The following DPP6 variants were observed in gnomAD, a reference collection of about 807,000 sequenced individuals.
DPP6 encodes A-type potassium channel modulatory protein DPP6.
A neutral mutation model predicts 122.6 loss-of-function variants in DPP6; 69 were observed. The ratio of observed to expected loss-of-function variants is 0.56; its 90% CI spans 0.46 to 0.69. The LOEUF (loss-of-function observed/expected upper bound fraction) is 0.69, where lower values mean the gene tolerates loss of function less well. Among genes scored for constraint, DPP6 ranks in the 30% least tolerant of loss-of-function variants. The pLI is 0.00. For synonymous variants in DPP6, 418 were observed against 433.1 expected, an observed-to-expected ratio of 0.97 and a Z score of 0.43; for missense variants, 928 against 1,116.9, an observed-to-expected ratio of 0.83 and a Z score of 2.41.
chr7:154,134,397 G>C (rs1795437999), intron 1 of DPP6, among the ~76,000 whole-genome samples: 1 of 152,128 alleles, frequency 6.6e-6, no homozygotes, highest in African/African-American at 2.4e-5. Context: ...AGTTGGGAGA[G>C]CAGCAGCCTG....
chr7:153,763,038 A>G, the DPP6 span, among the ~76,000 whole-genome samples: 1 of 152,216 alleles, frequency 6.6e-6, no homozygotes, highest in Non-Finnish European at 1.5e-5. Context: ...TGAGCAGCCC[A>G]GGGATGACCA....
chr7:154,570,278 T>A (rs1831028868), intron 5 of DPP6, among the ~76,000 whole-genome samples: 1 of 151,978 alleles, frequency 6.6e-6, no homozygotes, highest in African/African-American at 2.4e-5. Context: ...AAGTTTAATT[T>A]TTAGAATATG....
At chr7:154,648,327 G>T (rs1314841161) in intron 6 of DPP6, among the ~76,000 whole-genome samples, 1 of 151,900 alleles carries the variant, frequency 6.6e-6, no homozygotes, top group Non-Finnish European at 1.5e-5. Context: ...GAAGCACTGG[G>T]GATGGATAGG....
At chr7:153,900,999 T>A (rs1293196679) in intron 1 of DPP6, among the ~76,000 whole-genome samples, 1 of 152,224 alleles carries the variant, frequency 6.6e-6, no homozygotes, top group Non-Finnish European at 1.5e-5. Context: ...TTTTCATACT[T>A]TTTAAAGTTT....
intron 7 of DPP6, among the ~76,000 whole-genome samples, chr7:154,678,218 G>T (rs562823549): frequency 5.3e-4 from 81 of 152,296 alleles, no homozygotes; most frequent in Non-Finnish European, 1.0e-3. Context: ...GGAAATAAAA[G>T]CTGGCCACCG....
chr7:154,318,880 C>G (rs550919351), intron 1 of DPP6, among the ~76,000 whole-genome samples: 178 of 152,282 alleles, frequency 1.2e-3, no homozygotes, highest in African/African-American at 4.2e-3. Context: ...GAGGGCCATG[C>G]TGTCTGGTAG....
chr7:154,722,041 G>T (rs1231729181), intron 7 of DPP6, among the ~76,000 whole-genome samples: 1 of 150,818 alleles, frequency 6.6e-6, no homozygotes, highest in African/African-American at 2.4e-5. Flanking sequence ...TAGATATATA[G>T]ATAGATGCCT....
Position 154,893,246 on chromosome 7 carries a change from C to A in DPP6, c.*766C>A. 1 of 267,790 alleles carries A rather than the reference C, an allele frequency of 3.7e-6. No homozygotes were observed. Among genetic ancestry groups the A allele is most frequent in the Non-Finnish European group, 7.4e-6 (1 of 135,598 alleles). The allele number at this position is 267,790 out of a possible 1,614,324, so 16.6% of individuals were successfully genotyped here. A position where few individuals can be genotyped will look rare whatever the true frequency, so the allele number is the denominator to read the frequency against. The stretch of plus-strand genomic sequence containing the variant: ...GTAACTGCTCCCTCCTCAAGGTTGT[C>A]TTCAGACGTCTTGGGGACGTTCCTA... On this transcript the variant is annotated 3_prime_UTR_variant, in exon 26 of 26. Coordinates refer to ENST00000377770, the MANE Select transcript of DPP6 (RefSeq NM_130797.4).
intron 1 of DPP6, among the ~76,000 whole-genome samples, chr7:154,036,465 G>A (rs1370791162): frequency 2.7e-5 from 4 of 148,128 alleles, no homozygotes; most frequent in Non-Finnish European, 6.0e-5. Context: ...AGCTTCAAAT[G>A]TCTTGCTTAC....
At chr7:154,029,433 C>A (rs887667488) in intron 1 of DPP6, among the ~76,000 whole-genome samples, 24 of 151,976 alleles carry the variant, frequency 1.6e-4, no homozygotes, top group African/African-American at 5.8e-4. Context: ...AGGAGCATGG[C>A]GTGAACCTGG....
chr7:153,773,026 T>C, the DPP6 span, among the ~76,000 whole-genome samples: 1 of 145,888 alleles, frequency 6.9e-6, no homozygotes, highest in African/African-American at 2.5e-5. Flanking sequence ...TATATAATAA[T>C]ATATAAAAGT....
chr7:154,765,706 C>T (rs1472415204), intron 8 of DPP6, among the ~76,000 whole-genome samples: 1 of 152,156 alleles, frequency 6.6e-6, no homozygotes, highest in African/African-American at 2.4e-5. Flanking sequence ...CCGACTGTCC[C>T]CGGATGTATC....
chr7:153,975,946 A>T (rs1796278484), intron 1 of DPP6, among the ~76,000 whole-genome samples: 1 of 152,232 alleles, frequency 6.6e-6, no homozygotes, highest in South Asian at 2.1e-4. Context: ...TATTATTACA[A>T]TTAAATGAGT....
At chr7:153,914,970 T>A (rs935177993) in intron 1 of DPP6, among the ~76,000 whole-genome samples, 2 of 152,250 alleles carry the variant, frequency 1.3e-5, no homozygotes, top group African/African-American at 4.8e-5. Flanking sequence ...AACTATCTTG[T>A]CCTTGTCTAG....
intron 9 of DPP6, among the ~76,000 whole-genome samples, 178 bp from the exon 10 acceptor site, chr7:154,772,667 G>A (rs1796316371): frequency 1.3e-5 from 2 of 152,172 alleles, no homozygotes; most frequent in Admixed American, 1.3e-4. Context: ...TTAGCCCTTT[G>A]TCCTTTTGAA....
chr7:153,881,574 G>A, the DPP6 span, among the ~76,000 whole-genome samples: 1 of 152,146 alleles, frequency 6.6e-6, no homozygotes, highest in East Asian at 1.9e-4. Flanking sequence ...CTGCTTTGGA[G>A]GGTGGATTTG....
chr7:154,200,904 A>C (rs1410340129), intron 1 of DPP6, among the ~76,000 whole-genome samples: 1 of 152,114 alleles, frequency 6.6e-6, no homozygotes, highest in Non-Finnish European at 1.5e-5. Context: ...TCCTCAATAT[A>C]AGATTAGTAT....
chr7:154,709,853 G>A (rs982391504), intron 7 of DPP6, among the ~76,000 whole-genome samples: 1 of 152,108 alleles, frequency 6.6e-6, no homozygotes, highest in African/African-American at 2.4e-5. Context: ...TTTCTGACAT[G>A]AACCCATGGA....
intron 1 of DPP6, among the ~76,000 whole-genome samples, chr7:154,121,449 A>C (rs572882556): frequency 6.6e-6 from 1 of 152,148 alleles, no homozygotes; most frequent in Non-Finnish European, 1.5e-5. Flanking sequence ...GCATTCCCTA[A>C]GTTCTGGTAT....
Sources: gnomAD v4.1 joint callset for allele counts (sites outside exome capture counted in the v4.1 genomes callset) on GRCh38, gnomAD v4.1.1 for gene constraint, MANE v1.5 for transcripts, NCBI Gene and HGNC (gene_info 2026-07-23, HGNC 2026-07-21) for gene names.